The following NAALAD2 variants were observed in gnomAD, a reference collection of about 807,000 sequenced individuals.
NAALAD2 encodes N-acetylated-alpha-linked acidic dipeptidase 2.
NAALAD2 carries 89 observed loss-of-function variants against 95.6 expected under a neutral mutation model. The ratio of observed to expected loss-of-function variants is 0.93; its 90% confidence interval spans 0.78 to 1.11. The LOEUF (loss-of-function observed/expected upper bound fraction) is 1.11. Ranked by LOEUF, NAALAD2 falls within the 50% of genes least tolerant of loss-of-function variation. The probability of loss-of-function intolerance (pLI) is 0.00; values close to 1 mark genes in which losing one functional copy is unlikely to be tolerated. For missense variants in NAALAD2, 894 were observed against 872.4 expected (o/e 1.02, Z -0.31); for synonymous variants, 264 against 294.4 (o/e 0.90, Z 1.06).
chr11:90,191,638 T>A lies in NAALAD2; in HGVS notation c.2114T>A (p.Ile705Asn), dbSNP rs146722371. The change falls in exon 19 of 19, where the codon ATT (isoleucine) becomes AAT (asparagine). Residue 705 changes from isoleucine (I) to asparagine (N), a missense_variant. Transcript: ENST00000534061. ...FPGIYDAIFD[I>N]ENKANSRLAW... ...GGAATCTATGATGCTATCTTTGATA[T>A]TGAAAATAAAGCCAACTCTCGTTTG... 4 of 1,607,702 alleles carry A rather than the reference T, an allele frequency of 2.5e-6. No individual in the cohort carries two copies. The highest frequency in any genetic ancestry group is 3.4e-6 in the Non-Finnish European group (4 of 1,177,034).
Position 90,178,087 on chromosome 11 carries a change from C to A in NAALAD2, c.1828C>A (p.Gln610Lys). The change falls in exon 16 of 19, where the codon CAA becomes AAA. Residue 610 changes from glutamine to lysine, a missense_variant. Transcript: ENST00000534061. ...CTATAATCTATCTAAGAAACATGAT[C>A]AACAATTGACAGACCATGGAGTATC... ...SIYNLSKKHD[Q>K]QLTDHGVSFD... 3 of 1,612,540 alleles carry A rather than the reference C, an allele frequency of 1.9e-6. No homozygotes were observed. The highest frequency in any genetic ancestry group is 2.5e-6 in the Non-Finnish European group (3 of 1,179,560).
rs938848990 is a variant in NAALAD2 at position 90,143,990 on chromosome 11, T to C, written c.195-3340T>C. 2.0e-5 allele frequency among the ~76,000 whole-genome samples: 3 copies of C among 152,134 alleles called. No individual in the cohort carries two copies. The East Asian group carries it at 5.8e-4, about 29-fold the overall frequency. On this transcript the variant is annotated intron_variant, in intron 2 of 18. Transcript: ENST00000534061. ...AATCAGCTATAATGTTCTTATTAAATTTCAGCTTATGTATTATCAAGGCAC... is the reference window on the plus strand; with the variant it reads ...AATCAGCTATAATGTTCTTATTAAACTTCAGCTTATGTATTATCAAGGCAC...
At chr11:90,186,495 A>G (rs1004703669) in intron 18 of NAALAD2, among the ~76,000 whole-genome samples, 10 of 152,174 alleles carry the variant, frequency 6.6e-5, no homozygotes, top group Non-Finnish European at 1.2e-4. Context: ...ACATGTGTGC[A>G]TGTGTCTTTA....
chr11:90,191,755 C>T lies in NAALAD2; in HGVS notation c.*8C>T. The T allele has an allele frequency of 6.5e-7, 1 of 1,530,098 alleles. No individual in the cohort carries two copies. Among genetic ancestry groups the T allele is most frequent in the Non-Finnish European group, 8.8e-7 (1 of 1,139,506 alleles). 94.8% of individuals were successfully genotyped at this position (1,530,098 alleles called of 1,614,324 possible). ...CTGAAAGAAGTATTATAGAAGGTCT[C>T]AAGTGGCTAGCCATTAAAGGTGTTG... is the stretch of plus-strand genomic sequence containing the variant. On this transcript the variant is annotated 3_prime_UTR_variant, in exon 19 of 19. Coordinates refer to ENST00000534061, the MANE Select transcript of NAALAD2 (RefSeq NM_005467.4).
intron 8 of NAALAD2, among the ~76,000 whole-genome samples, chr11:90,160,339 G>C (rs1412418468): frequency 6.6e-6 from 1 of 152,144 alleles, no homozygotes; most frequent in East Asian, 1.9e-4. Flanking sequence ...AATGTGATGG[G>C]AGAGAGAAAT....
chr11:90,191,124 T>A (rs1857311706), intron 18 of NAALAD2, among the ~76,000 whole-genome samples: 1 of 152,188 alleles, frequency 6.6e-6, no homozygotes, highest in Non-Finnish European at 1.5e-5. Context: ...ACTTGTTTTT[T>A]AATGTCTAAA....
chr11:90,146,954 T>A (rs1951763396), intron 2 of NAALAD2, among the ~76,000 whole-genome samples: 1 of 152,120 alleles, frequency 6.6e-6, no homozygotes, highest in East Asian at 1.9e-4. Flanking sequence ...GCCCAAGTGG[T>A]CCCTGCGAGA....
chr11:90,135,737 T>C, intron 2 of NAALAD2, 67 bp downstream of exon 2: 1 of 1,263,528 alleles, frequency 7.9e-7, no homozygotes, highest in Non-Finnish European at 1.1e-6. Context: ...AAGCATATTA[T>C]ACCTGGTTAT....
chr11:90,177,160 T>C (rs1323195819), intron 15 of NAALAD2, among the ~76,000 whole-genome samples: 1 of 152,184 alleles, frequency 6.6e-6, no homozygotes, highest in Non-Finnish European at 1.5e-5. Context: ...AAAGAATATT[T>C]ATACGGGATA....
At chr11:90,166,859 G>A (rs1466269586) in intron 11 of NAALAD2, among the ~76,000 whole-genome samples, 1 of 150,052 alleles carries the variant, frequency 6.7e-6, no homozygotes, top group Non-Finnish European at 1.5e-5. Flanking sequence ...AAAAGAAAAT[G>A]CAGATTTCCA....
At chr11:90,188,096 C>G (rs1449307008) in intron 18 of NAALAD2, among the ~76,000 whole-genome samples, 1 of 152,116 alleles carries the variant, frequency 6.6e-6, no homozygotes, top group Non-Finnish European at 1.5e-5. Context: ...CTTATTTGAA[C>G]AGTTTGAACT....
chr11:90,173,705 A>G, intron 13 of NAALAD2, 119 bp from the exon 14 acceptor site: 1 of 594,416 alleles, frequency 1.7e-6, no homozygotes, highest in Admixed American at 3.3e-5. Context: ...GTGTATAAAT[A>G]TATACATGTA....
rs1407691085 is a variant in NAALAD2 at position 90,155,722 on chromosome 11, AATAC to A, written c.797-2411_797-2408del. On this transcript the variant is annotated intron_variant, in intron 6 of 18. Transcript: ENST00000534061. ...GTATGTATTATTATTGTATGTATGT[AATAC>A]ATACATACATATGTATGTATTATTA... Among the ~76,000 whole-genome samples the A allele has an allele frequency of 2.8e-4, 14 of 49,180 alleles. 1 individual carries two copies. Among genetic ancestry groups the A allele is most frequent in the South Asian group, 2.1e-3 (3 of 1,422 alleles). The allele number at this position is 49,180 out of a possible 152,430, so 32.3% of individuals were successfully genotyped here. A position where few individuals can be genotyped will look rare whatever the true frequency, so the allele number is the denominator to read the frequency against.
intron 11 of NAALAD2, among the ~76,000 whole-genome samples, chr11:90,166,260 T>C (rs2082101979): frequency 6.6e-6 from 1 of 152,156 alleles, no homozygotes; most frequent in Non-Finnish European, 1.5e-5. Flanking sequence ...TGTCTGTGTG[T>C]TAGTTTTGCT....
intron 2 of NAALAD2, among the ~76,000 whole-genome samples, chr11:90,143,146 T>A (rs149565882): frequency 5.5e-4 from 83 of 152,262 alleles, no homozygotes; most frequent in Middle Eastern, 3.4e-3. Flanking sequence ...AAAATTAGTA[T>A]TTCATGTTTC....
intron 12 of NAALAD2, chr11:90,169,380 A>C (rs943980695): frequency 6.3e-6 from 1 of 159,782 alleles, no homozygotes; most frequent in African/African-American, 2.4e-5. Flanking sequence ...TATTTCCTGT[A>C]TTTGTTGTAA....
intron 14 of NAALAD2, among the ~76,000 whole-genome samples, chr11:90,174,676 GTCATC>G (rs1040633798): frequency 2.3e-4 from 35 of 151,744 alleles, no homozygotes; most frequent in Admixed American, 7.2e-4. Flanking sequence ...TATTTTTTAT[GTCATC>G]TCATTCATGC....
chr11:90,172,756 G>A (rs1416548908), intron 13 of NAALAD2, among the ~76,000 whole-genome samples: 1 of 152,118 alleles, frequency 6.6e-6, no homozygotes, highest in East Asian at 1.9e-4. Flanking sequence ...TCTTTTCTGA[G>A]TTCAGTGCTT....
chr11:90,191,796 T>A lies in NAALAD2; in HGVS notation c.*49T>A. ...AAAGGTGTTGCTAAAAGTCTGAGGATAAAATTCACCTTTCTGATAACTTAT... is the reference window on the plus strand; with the variant it reads ...AAAGGTGTTGCTAAAAGTCTGAGGAAAAAATTCACCTTTCTGATAACTTAT... On this transcript the variant is annotated 3_prime_UTR_variant, in exon 19 of 19. Coordinates refer to ENST00000534061, the MANE Select transcript of NAALAD2 (RefSeq NM_005467.4). 7.3e-7 allele frequency: 1 copy of A among 1,372,096 alleles called. No individual in the cohort carries two copies. Among genetic ancestry groups the A allele is most frequent in the Non-Finnish European group, 9.6e-7 (1 of 1,038,076 alleles). The allele number at this position is 1,372,096 out of a possible 1,614,324, so 85.0% of individuals were successfully genotyped here.
Sources: allele counts gnomAD v4.1 joint callset (sites outside exome capture counted in the v4.1 genomes callset), GRCh38; gene constraint gnomAD v4.1.1; transcripts MANE v1.5; gene names NCBI Gene and HGNC (gene_info 2026-07-23, HGNC 2026-07-21).